IQSEC1: variants seen among roughly 807,000 people sequenced by gnomAD.
IQSEC1 encodes the protein IQ motif and Sec7 domain ArfGEF 1, also known as IQ motif and SEC7 domain-containing protein 1.
Under a neutral mutation model 91.0 loss-of-function variants are expected in IQSEC1, and 31 were observed. The ratio of observed to expected loss-of-function variants is 0.34; its 90% CI spans 0.26 to 0.46. IQSEC1 has a LOEUF of 0.46. Ranked by LOEUF, IQSEC1 falls within the 20% of genes least tolerant of loss-of-function variation. The probability of loss-of-function intolerance (pLI) is 1.00; values close to 1 mark genes in which losing one functional copy is unlikely to be tolerated. For missense variants in IQSEC1, 1,388 were observed against 1,575.6 expected (o/e 0.88, Z 2.02); for synonymous variants, 699 against 662.6 (o/e 1.05, Z -0.84).
intron 2 of IQSEC1, among the ~76,000 whole-genome samples, chr3:13,100,551 C>T (rs1423011770): frequency 1.3e-5 from 2 of 148,496 alleles, no homozygotes; most frequent in African/African-American, 2.5e-5. Flanking sequence ...GTTGGGACAG[C>T]GGCGGGCGCC....
At chr3:13,268,088 C>T (rs990560522) in intron 1 of IQSEC1, among the ~76,000 whole-genome samples, 1 of 152,232 alleles carries the variant, frequency 6.6e-6, no homozygotes, top group South Asian at 2.1e-4. Context: ...AGCAGGACCA[C>T]CCTTTGCAGA....
Position 13,239,408 on chromosome 3 carries a change from C to T in IQSEC1, c.272+43303G>A, listed in dbSNP as rs1457282270. Among the ~76,000 whole-genome samples, 4 of 152,242 alleles carry T rather than the reference C, an allele frequency of 2.6e-5. No individual in the cohort carries two copies. In the East Asian group the frequency reaches 7.7e-4, roughly 29 times the overall value. On this transcript the variant is annotated intron_variant, in intron 1 of 15. Transcript: ENST00000648114. ...TTGGCACACCGCCGGGCGTGGTCCT[C>T]ACCATCTCGGGCCTGCTTCACACCC...
At chr3:13,163,510 G>A (rs553621396) in intron 2 of IQSEC1, among the ~76,000 whole-genome samples, 2 of 100,492 alleles carry the variant, frequency 2.0e-5, no homozygotes, top group East Asian at 3.2e-4. Context: ...CTCAGGCCCC[G>A]TGGCTGGGGC....
chr3:12,964,513 C>T (rs1576062356), intron 1 of IQSEC1, among the ~76,000 whole-genome samples: 1 of 152,164 alleles, frequency 6.6e-6, no homozygotes, highest in Non-Finnish European at 1.5e-5. Context: ...AGAGTGCTGA[C>T]CTGGACAAAC....
intron 2 of IQSEC1, among the ~76,000 whole-genome samples, chr3:13,083,649 T>C (rs994303536): frequency 5.9e-5 from 9 of 152,266 alleles, no homozygotes; most frequent in Admixed American, 5.9e-4. Context: ...GCAGGGTCTC[T>C]AGGCAGCCTT....
intron 6 of IQSEC1, among the ~76,000 whole-genome samples, chr3:12,916,377 G>A (rs1351954446): frequency 2.6e-5 from 4 of 152,168 alleles, no homozygotes; most frequent in Non-Finnish European, 5.9e-5. Flanking sequence ...GCTCTGACCC[G>A]GGGCTGCCCT....
Position 13,180,679 on chromosome 3 carries a change from C to T in IQSEC1, c.273-16546G>A, listed in dbSNP as rs1017859857. On this transcript the variant is annotated intron_variant, in intron 1 of 15. Coordinates refer to the IQSEC1 transcript ENST00000648114. ...CCTTTATGAGCTGTAACACTCACTG[C>T]GAAGGTCTGCAGCTTCACTCCTGAA... is the stretch of plus-strand genomic sequence containing the variant. 6.0e-4 allele frequency among the ~76,000 whole-genome samples: 90 copies of T among 151,186 alleles called. 6 individuals carry two copies. Among genetic ancestry groups the T allele is most frequent in the African/African-American group, 1.9e-3 (77 of 40,514 alleles).
chr3:13,035,053 G>C (rs1401419253), intron 1 of IQSEC1, among the ~76,000 whole-genome samples: 2 of 152,232 alleles, frequency 1.3e-5, no homozygotes, highest in Non-Finnish European at 2.9e-5. Flanking sequence ...CACTGCCAAG[G>C]GGCAGGACAG....
At chr3:13,124,793 T>C (rs1706484549) in intron 2 of IQSEC1, among the ~76,000 whole-genome samples, 1 of 152,174 alleles carries the variant, frequency 6.6e-6, no homozygotes, top group African/African-American at 2.4e-5. Flanking sequence ...CAGACTGTCC[T>C]GGCTCAGTCA....
chr3:13,124,907 G>A (rs1323900702), intron 2 of IQSEC1, among the ~76,000 whole-genome samples: 1 of 152,160 alleles, frequency 6.6e-6, no homozygotes, highest in South Asian at 2.1e-4. Flanking sequence ...ATATCCACCC[G>A]CCCTCACCAC....
intron 2 of IQSEC1, among the ~76,000 whole-genome samples, chr3:13,104,159 G>A (rs1022402659): frequency 6.6e-6 from 1 of 152,150 alleles, no homozygotes; most frequent in African/African-American, 2.4e-5. Flanking sequence ...ACTGGGTCCT[G>A]TGCCTGGTGT....
intron 2 of IQSEC1, among the ~76,000 whole-genome samples, chr3:13,111,506 G>T (rs1706243509): frequency 6.6e-6 from 1 of 152,202 alleles, no homozygotes; most frequent in African/African-American, 2.4e-5. Flanking sequence ...TCCCACTGCG[G>T]GTAAGCACCT....
In IQSEC1 at chr3:13,169,908, T is replaced by C. The variant is rs1219150053; in HGVS notation, c.273-5775A>G. 2.6e-5 allele frequency among the ~76,000 whole-genome samples: 4 copies of C among 152,240 alleles called. 1 individual carries two copies. The East Asian group carries it at 7.7e-4, about 29-fold the overall frequency. ...GGAGATTTGCAGCCTGACAATGAGA[T>C]AGAAAAGAAAAACCCATTTTCTGAG... On this transcript the variant is annotated intron_variant, in intron 1 of 15. Transcript: ENST00000648114.
chr3:13,012,174 C>T (rs1353507324), intron 1 of IQSEC1, among the ~76,000 whole-genome samples: 2 of 152,182 alleles, frequency 1.3e-5, no homozygotes, highest in African/African-American at 2.4e-5. Flanking sequence ...CTTGCCTGCA[C>T]CCCCGGCATG....
chr3:13,018,349 A>AG (rs1703240929), intron 1 of IQSEC1, among the ~76,000 whole-genome samples: 5 of 152,180 alleles, frequency 3.3e-5, no homozygotes, highest in Admixed American at 3.3e-4. Context: ...GGGAAGGCAG[A>AG]GGGGGGCAGG....
Position 12,922,029 on chromosome 3 carries a change from G to A in IQSEC1, c.1853+91C>T. 7.0e-7 allele frequency: 1 copy of A among 1,428,582 alleles called. No homozygotes were observed. Among genetic ancestry groups the A allele is most frequent in the East Asian group, 2.5e-5 (1 of 39,838 alleles). The allele number at this position is 1,428,582 out of a possible 1,614,324, so 88.5% of individuals were successfully genotyped here. On this transcript the variant is annotated intron_variant, in intron 5 of 13. Coordinates refer to ENST00000613206, the MANE Select transcript of IQSEC1 (RefSeq NM_001134382.3). This position sits in a 1 kb window ranked among gnomAD's most constrained non-coding sequence, Gnocchi z 5.1. ...ACACCTGGCCCTGTCTAGGGATGGT[G>A]GGGATGCAGTCTTTGGTCCATCCTC...
chr3:13,051,019 G>A (rs1407942808), intron 1 of IQSEC1, among the ~76,000 whole-genome samples: 3 of 152,196 alleles, frequency 2.0e-5, no homozygotes, highest in Middle Eastern at 3.4e-3. Context: ...GTGCAGCAAC[G>A]AGCTCAGTGG....
chr3:13,255,778 T>G (rs1695274816), intron 1 of IQSEC1, among the ~76,000 whole-genome samples: 1 of 152,192 alleles, frequency 6.6e-6, no homozygotes, highest in Non-Finnish European at 1.5e-5. Flanking sequence ...CACTGTAATC[T>G]GCACTCAGCC....
chr3:12,955,208 A>C (rs1040146184), intron 1 of IQSEC1, among the ~76,000 whole-genome samples: 1 of 152,202 alleles, frequency 6.6e-6, no homozygotes, highest in Non-Finnish European at 1.5e-5. Context: ...TGCAGGCCTC[A>C]AGTCACCAAG....
Sources: gnomAD v4.1 joint callset for allele counts (sites outside exome capture counted in the v4.1 genomes callset) on GRCh38, gnomAD v4.1.1 for gene constraint, Gnocchi (gnomAD v3.1) non-coding constraint, MANE v1.5 for transcripts, NCBI Gene and HGNC (gene_info 2026-07-23, HGNC 2026-07-21) for gene names.